CCDC149: variants seen among roughly 807,000 people sequenced by gnomAD.
CCDC149 encodes coiled-coil domain containing 149.
Under a neutral mutation model 59.9 loss-of-function variants are expected in CCDC149, and 45 were observed. The ratio of observed to expected loss-of-function variants is 0.75; its 90% confidence interval spans 0.59 to 0.96. The LOEUF is 0.96. Among genes scored for constraint, CCDC149 ranks in the 40% least tolerant of loss-of-function variants. The probability of loss-of-function intolerance (pLI) is 0.00; values close to 1 mark genes in which losing one functional copy is unlikely to be tolerated. For synonymous variants in CCDC149, 245 were observed against 260.6 expected (o/e 0.94, Z 0.58); for missense variants, 584 against 664.7 (o/e 0.88, Z 1.33).
chr4:24,811,578 A>G (rs531160102), intron 12 of CCDC149, among the ~76,000 whole-genome samples: 32 of 152,316 alleles, frequency 2.1e-4, no homozygotes, highest in African/African-American at 7.5e-4. Flanking sequence ...GAAGTCCAAA[A>G]AAATTTCACT....
chr4:24,835,921 G>A (rs1716487705), intron 7 of CCDC149, among the ~76,000 whole-genome samples: 1 of 152,138 alleles, frequency 6.6e-6, no homozygotes, highest in East Asian at 1.9e-4. Flanking sequence ...TAATGGTGCT[G>A]GAATTAGACT....
intron 4 of CCDC149, among the ~76,000 whole-genome samples, chr4:24,839,115 C>T (rs915874689): frequency 6.8e-6 from 1 of 146,292 alleles, no homozygotes; most frequent in Non-Finnish European, 1.5e-5. Flanking sequence ...CCAAATGCAC[C>T]CAAATATTAA....
At chr4:24,921,078 T>G (rs1328752792) in intron 1 of CCDC149, among the ~76,000 whole-genome samples, 1 of 152,204 alleles carries the variant, frequency 6.6e-6, no homozygotes, top group East Asian at 1.9e-4. Context: ...GAGCAGGGAT[T>G]GCGCCTACAG....
intron 1 of CCDC149, among the ~76,000 whole-genome samples, chr4:24,925,637 C>T (rs1002456722): frequency 2.0e-5 from 3 of 152,066 alleles, no homozygotes; most frequent in Non-Finnish European, 4.4e-5. Context: ...GGGACAGTGC[C>T]CTCAAGATTC....
intron 9 of CCDC149, among the ~76,000 whole-genome samples, chr4:24,825,950 T>C (rs1224052535): frequency 2.0e-5 from 3 of 151,376 alleles, no homozygotes; most frequent in African/African-American, 7.3e-5. Flanking sequence ...AGGTTTTTTG[T>C]TGTTGTTTTG....
rs138271727 is a variant in CCDC149, at chr4:24,924,386, G to A, written c.-64-29268C>T. On this transcript the variant is annotated intron_variant, in intron 1 of 12. Coordinates refer to the CCDC149 transcript ENST00000389609. ...CAAGTTTAGTGGTGTGAAACGTCAC[G>A]TTATGTTCATGGATTCCATGCTCAA... Among the ~76,000 whole-genome samples the A allele has an allele frequency of 3.4e-3, 518 of 152,284 alleles. 7 individuals are homozygous for A. Among genetic ancestry groups the A allele is most frequent in the African/African-American group, 0.012 (483 of 41,552 alleles).
chr4:24,880,508 T>C (rs1191648996), intron 1 of CCDC149, among the ~76,000 whole-genome samples: 1 of 152,182 alleles, frequency 6.6e-6, no homozygotes, highest in Non-Finnish European at 1.5e-5. Flanking sequence ...GAGGTGAAAT[T>C]TCTTGGCCTC....
At chr4:24,923,193 T>C (rs1722346259) in intron 1 of CCDC149, among the ~76,000 whole-genome samples, 1 of 152,216 alleles carries the variant, frequency 6.6e-6, no homozygotes, top group African/African-American at 2.4e-5. Context: ...CACAGGCTGA[T>C]ACTCACAGGG....
chr4:24,971,689 C>T (rs1056757752), intron 1 of CCDC149, among the ~76,000 whole-genome samples: 3 of 152,188 alleles, frequency 2.0e-5, no homozygotes, highest in African/African-American at 7.2e-5. Context: ...TTGGCAAGGA[C>T]ATTCTAAAGT....
chr4:24,874,287 T>C (rs1719273259), intron 2 of CCDC149, among the ~76,000 whole-genome samples: 1 of 131,222 alleles, frequency 7.6e-6, no homozygotes, highest in African/African-American at 2.9e-5. Context: ...TTTTTTGCCT[T>C]AAAAGGATTC....
intron 1 of CCDC149, among the ~76,000 whole-genome samples, chr4:24,976,854 G>A (rs1177539776): frequency 6.6e-6 from 1 of 152,190 alleles, no homozygotes; most frequent in Non-Finnish European, 1.5e-5. Flanking sequence ...GGATTTGGAA[G>A]CTATGTGCGA....
chr4:24,869,055 C>T (rs1054715161), intron 3 of CCDC149, among the ~76,000 whole-genome samples: 2 of 152,224 alleles, frequency 1.3e-5, no homozygotes, highest in African/African-American at 4.8e-5. Context: ...CTCAATGACA[C>T]CGGCTGCGAT....
intron 9 of CCDC149, among the ~76,000 whole-genome samples, chr4:24,826,083 G>T (rs1390223162): frequency 6.6e-6 from 1 of 151,852 alleles, no homozygotes; most frequent in Non-Finnish European, 1.5e-5. Context: ...AGCCTCCCGA[G>T]TAGCTGGGAC....
intron 12 of CCDC149, among the ~76,000 whole-genome samples, chr4:24,809,598 C>G (rs935441434): frequency 7.4e-5 from 11 of 149,518 alleles, no homozygotes; most frequent in Non-Finnish European, 8.8e-5. Flanking sequence ...GGAGCCAGCT[C>G]TTAGTACCCG....
chr4:24,914,842 G>T (rs138702003), upstream of CCDC149, among the ~76,000 whole-genome samples: 1 of 152,130 alleles, frequency 6.6e-6, no homozygotes, highest in Non-Finnish European at 1.5e-5. Context: ...ATAGTCCCTG[G>T]CATCATAATC....
intron 1 of CCDC149, among the ~76,000 whole-genome samples, chr4:24,918,972 T>C (rs1722209511): frequency 6.6e-6 from 1 of 152,222 alleles, no homozygotes; most frequent in Non-Finnish European, 1.5e-5. Context: ...ACATGATTTC[T>C]AGATAGACAC....
chr4:24,971,854 A>T (rs1333928633), intron 1 of CCDC149, among the ~76,000 whole-genome samples: 1 of 152,242 alleles, frequency 6.6e-6, no homozygotes. Flanking sequence ...CATACTACCT[A>T]GAGGCTTCAT....
chr4:24,891,348 A>G (rs563082957), intron 1 of CCDC149, among the ~76,000 whole-genome samples: 1 of 152,304 alleles, frequency 6.6e-6, no homozygotes, highest in African/African-American at 2.4e-5. Flanking sequence ...TCTCTGGCTG[A>G]TAACTGTGAT....
chr4:24,839,667 G>A (rs1312196671), intron 4 of CCDC149, among the ~76,000 whole-genome samples: 1 of 152,204 alleles, frequency 6.6e-6, no homozygotes, highest in African/African-American at 2.4e-5. Flanking sequence ...AACCTTCCAG[G>A]TGGGGCTGCA....
Sources: gnomAD v4.1 joint callset for allele counts (sites outside exome capture counted in the v4.1 genomes callset) on GRCh38, gnomAD v4.1.1 for gene constraint, MANE v1.5 for transcripts, NCBI Gene and HGNC (gene_info 2026-07-23, HGNC 2026-07-21) for gene names.